Variants in RAD21L1 observed in about 807,000 individuals in gnomAD.
RAD21L1 encodes the protein RAD21 cohesin complex component like 1, also known as double-strand-break repair protein rad21-like protein 1.
A neutral mutation model predicts 69.0 loss-of-function variants in RAD21L1; 47 were observed. That is an observed-to-expected ratio of 0.68 (90% CI 0.54 to 0.87). RAD21L1 has a LOEUF of 0.87. RAD21L1 is among the 40% of genes least tolerant of loss of function. The pLI, the probability that RAD21L1 is intolerant of heterozygous loss-of-function variation, is 0.00. For missense variants in RAD21L1, 583 were observed against 647.6 expected, an observed-to-expected ratio of 0.90 and a Z score of 1.08; for synonymous variants, 177 against 205.8, an observed-to-expected ratio of 0.86 and a Z score of 1.20.
In RAD21L1 at chr20:1,231,573, A is replaced by G; in HGVS notation, c.322A>G (p.Ile108Val). 10 of 1,540,946 alleles carry G rather than the reference A, an allele frequency of 6.5e-6. No individual in the cohort carries two copies. The highest frequency in any genetic ancestry group is 8.8e-6 in the Non-Finnish European group (10 of 1,139,682). The change falls in exon 4 of 14, where the codon ATC becomes GTC. Residue 108 changes from isoleucine to valine, a missense_variant. Transcript: ENST00000683101. ...KENFEASYNA[I>V]TLPEEFHDFD... ...GAATTTTGAAGCATCTTACAATGCT[A>G]TCACATTGCCAGAAGAATTTCATGA...
rs574703429 is a variant in RAD21L1, at chr20:1,242,997, G to A, written c.1084-100G>A. The A allele has an allele frequency of 4.0e-5, 37 of 928,848 alleles. No homozygotes were observed. In the South Asian group the frequency reaches 6.2e-4, roughly 16 times the overall value. 57.5% of individuals were successfully genotyped at this position (928,848 alleles called of 1,614,324 possible). The stretch of plus-strand genomic sequence containing the variant: ...TTTGAATTAATTTTCTGTATTGTGT[G>A]TATGAATTATAGTTTTTCCTTTTTA... On this transcript the variant is annotated intron_variant, in intron 9 of 13. Transcript: ENST00000683101.
Position 1,254,475 on chromosome 20 carries a change from A to T in RAD21L1, c.*18A>T, listed in dbSNP as rs796427722. On this transcript the variant is annotated 3_prime_UTR_variant, in exon 14 of 14. Transcript: ENST00000683101. ...ACATATGAAGGAAACCCAGACATAC[A>T]GATTTATGGCATCACTGGAATTTCT... is the stretch of plus-strand genomic sequence containing the variant. The T allele has an allele frequency of 1.4e-6, 2 of 1,451,496 alleles. No homozygotes were observed. Among genetic ancestry groups the T allele is most frequent in the Non-Finnish European group, 1.8e-6 (2 of 1,086,650 alleles). The allele number at this position is 1,451,496 out of a possible 1,614,324, so 89.9% of individuals were successfully genotyped here.
rs2087711325 is a variant in RAD21L1 at position 1,246,121 on chromosome 20, G to A, written c.1309-92G>A. Reference sequence around the variant, plus strand: ...TATTTTAAATTAGTTTGAGAAGTGAGCATTCATGTGATTAAAGCATTTAAT... The same window carrying A: ...TATTTTAAATTAGTTTGAGAAGTGAACATTCATGTGATTAAAGCATTTAAT... On this transcript the variant is annotated intron_variant, in intron 11 of 13. Coordinates refer to ENST00000683101, the MANE Select transcript of RAD21L1 (RefSeq NM_001384355.1). This position sits in a 1 kb window ranked among gnomAD's most constrained non-coding sequence, Gnocchi z 4.6. The A allele has an allele frequency of 1.8e-6, 1 of 552,748 alleles. No individual in the cohort carries two copies. The highest frequency in any genetic ancestry group is 3.1e-6 in the Non-Finnish European group (1 of 322,956). The allele number at this position is 552,748 out of a possible 1,614,324, so 34.2% of individuals were successfully genotyped here.
At chr20:1,227,182 A>AT (rs1416037168) in intron 1 of RAD21L1, among the ~76,000 whole-genome samples, 1 of 152,240 alleles carries the variant, frequency 6.6e-6, no homozygotes, top group Admixed American at 6.5e-5. Flanking sequence ...CAGTGCTGGG[A>AT]TTACAGGCGT....
intron 13 of RAD21L1, among the ~76,000 whole-genome samples, 177 bp from the exon 14 acceptor site, chr20:1,254,092 A>G (rs2087887505): frequency 6.6e-6 from 1 of 152,236 alleles, no homozygotes; most frequent in Non-Finnish European, 1.5e-5. Context: ...GCTTGTGTAC[A>G]GTAACTTGTG....
intron 7 of RAD21L1, 145 bp downstream of exon 7, chr20:1,239,552 A>G: frequency 3.6e-6 from 2 of 550,950 alleles, no homozygotes; most frequent in South Asian, 2.7e-5. Flanking sequence ...TAGACAATAT[A>G]AAATAGGAAA....
intron 5 of RAD21L1, among the ~76,000 whole-genome samples, 195 bp from the exon 6 acceptor site, chr20:1,237,849 C>A (rs1416698658): frequency 1.3e-5 from 2 of 152,210 alleles, no homozygotes; most frequent in East Asian, 3.9e-4. Flanking sequence ...TTTGAAAGGG[C>A]ATTAGACTAA....
chr20:1,241,509 T>C (rs2087606451), intron 8 of RAD21L1, among the ~76,000 whole-genome samples: 1 of 152,230 alleles, frequency 6.6e-6, no homozygotes, highest in Admixed American at 6.5e-5. Context: ...TAAAGCATTT[T>C]TTTTTTAACT....
chr20:1,247,245 T>C (rs1457272090), intron 12 of RAD21L1, among the ~76,000 whole-genome samples: 4 of 152,290 alleles, frequency 2.6e-5, no homozygotes, highest in African/African-American at 9.6e-5. Flanking sequence ...TTTTACACAA[T>C]AGATTCAGCT....
intron 1 of RAD21L1, 188 bp downstream of exon 1, chr20:1,226,328 T>A (rs1262646874): frequency 1.3e-5 from 2 of 152,154 alleles, no homozygotes; most frequent in Non-Finnish European, 2.9e-5. Context: ...CAGCTGGGGC[T>A]GGAGGCGCGA....
intron 4 of RAD21L1, 148 bp from the exon 5 acceptor site, chr20:1,233,937 A>G: frequency 2.3e-6 from 1 of 440,592 alleles, no homozygotes; most frequent in Non-Finnish European, 4.1e-6. Context: ...GATTATTTAT[A>G]TACATGTATA....
In RAD21L1 at chr20:1,239,230, C is replaced by T. The variant is rs541496884; in HGVS notation, c.647-82C>T. The T allele has an allele frequency of 2.2e-4, 161 of 737,918 alleles. 1 individual carries two copies. The South Asian group carries it at 2.8e-3, about 13-fold the overall frequency. 45.7% of individuals were successfully genotyped at this position (737,918 alleles called of 1,614,324 possible). A position where few individuals can be genotyped will look rare whatever the true frequency, so the allele number is the denominator to read the frequency against. ...CTGGTTATTCCTTTACAATGAAATG[C>T]ATAAAGTAACATTAATAAATGTTTA... On this transcript the variant is annotated intron_variant, in intron 6 of 13. Coordinates refer to ENST00000683101, the MANE Select transcript of RAD21L1 (RefSeq NM_001384355.1).
chr20:1,242,685 G>A lies in RAD21L1; in HGVS notation c.923G>A (p.Ser308Asn), dbSNP rs1016622222. Residue 308 changes from serine to asparagine, a missense_variant, in exon 9 of 14, where the codon AGC (serine) becomes AAC (asparagine). Ser to Asn is a conservative substitution (Grantham distance 46, BLOSUM62 1). Transcript: ENST00000683101. ...ATAGATCCTATCAAGGAGCTCAGTA[G>A]CAAAGTTATACATAAACAGCTTACT... ...LLIDPIKELSSKVIHKQLTSF... is the reference protein window; with the variant it reads ...LLIDPIKELSNKVIHKQLTSF... 3 of 1,551,516 alleles carry A rather than the reference G, an allele frequency of 1.9e-6. No individual in the cohort carries two copies. The highest frequency in any genetic ancestry group is 2.7e-5 in the African/African-American group (2 of 73,042).
chr20:1,243,159 G>A lies in RAD21L1; in HGVS notation c.1146G>A (p.Glu382=). The part of the protein sequence containing the change: ...FKLGRKMIQK[E]SVREEVGNQN... ...TTGGAAGAAAAATGATACAGAAGGA[G>A]TCAGTAAGGGAAGAAGTGGGAAACC... is the stretch of plus-strand genomic sequence containing the variant. The change falls in exon 10 of 14, where the codon GAG becomes GAA. Residue 382 remains glutamate, a synonymous_variant. Coordinates refer to ENST00000683101, the MANE Select transcript of RAD21L1 (RefSeq NM_001384355.1). 6.5e-7 allele frequency: 1 copy of A among 1,538,904 alleles called. No individual in the cohort carries two copies. The highest frequency in any genetic ancestry group is 8.8e-7 in the Non-Finnish European group (1 of 1,141,124).
intron 5 of RAD21L1, among the ~76,000 whole-genome samples, chr20:1,237,343 G>A (rs1009780333): frequency 3.9e-5 from 6 of 152,108 alleles, no homozygotes; most frequent in African/African-American, 1.4e-4. Context: ...AGAGAGCTGG[G>A]TTCAGATCCT....
At chr20:1,230,146 A>C (rs1023743126) in intron 3 of RAD21L1, 137 bp downstream of exon 3, 21 of 624,746 alleles carry the variant, frequency 3.4e-5, no homozygotes, top group Non-Finnish European at 5.1e-5. Flanking sequence ...TCCATGGTTG[A>C]GGATAAATTG....
Position 1,238,217 on chromosome 20 carries a change from A to G in RAD21L1, c.646+3A>G. 4.7e-6 allele frequency: 7 copies of G among 1,496,082 alleles called. No homozygotes were observed. Among genetic ancestry groups the G allele is most frequent in the Non-Finnish European group, 6.3e-6 (7 of 1,110,602 alleles). The allele number at this position is 1,496,082 out of a possible 1,614,324, so 92.7% of individuals were successfully genotyped here. A position where few individuals can be genotyped will look rare whatever the true frequency, so the allele number is the denominator to read the frequency against. On this transcript the variant is annotated splice_donor_region_variant and intron_variant, in intron 6 of 13. Transcript: ENST00000683101. ...AGGAGCTGCAGGAGAAATGATTGGT[A>G]TGCTATCTGGTCATGTGGAAATAAA...
At chr20:1,243,854 G>A (rs1361786431) in intron 10 of RAD21L1, among the ~76,000 whole-genome samples, 192 bp from the exon 11 acceptor site, 1 of 152,146 alleles carries the variant, frequency 6.6e-6, no homozygotes, top group African/African-American at 2.4e-5. Flanking sequence ...GAGTGGAGGT[G>A]ATAGAGACAG....
chr20:1,234,225 A>G, intron 5 of RAD21L1, 34 bp downstream of exon 5: 2 of 917,698 alleles, frequency 2.2e-6, no homozygotes, highest in South Asian at 2.9e-5. Flanking sequence ...ATTACAAATT[A>G]TAATCAATTA....
Sources: allele counts gnomAD v4.1 joint callset (sites outside exome capture counted in the v4.1 genomes callset), GRCh38; gene constraint gnomAD v4.1.1; non-coding constraint Gnocchi (gnomAD v3.1); transcripts MANE v1.5; gene names NCBI Gene and HGNC (gene_info 2026-07-23, HGNC 2026-07-21).